The following GSK3B variants were observed in gnomAD, a reference collection of about 807,000 sequenced individuals.
GSK3B encodes glycogen synthase kinase-3 beta.
GSK3B carries 15 observed loss-of-function variants against 56.4 expected under a neutral mutation model. That is an observed-to-expected ratio of 0.27 (90% CI 0.18 to 0.41). GSK3B has a LOEUF of 0.41. Among genes scored for constraint, GSK3B ranks in the 10% least tolerant of loss-of-function variants. GSK3B has a pLI of 1.00. For synonymous variants in GSK3B, 181 were observed against 188.9 expected, an observed-to-expected ratio of 0.96 and a Z score of 0.34; for missense variants, 300 against 513.4, an observed-to-expected ratio of 0.58 and a Z score of 4.02.
rs577418673 is a variant in GSK3B, at chr3:119,883,748, A to G, written c.814-7240T>C. Among the ~76,000 whole-genome samples, 22 of 152,308 alleles carry G rather than the reference A, an allele frequency of 1.4e-4. 1 individual carries two copies. The South Asian group carries it at 4.3e-3, about 30-fold the overall frequency. On this transcript the variant is annotated intron_variant, in intron 7 of 10. Transcript: ENST00000264235. ...GTCATAACTAGAAACAGAGCTAGAAAGTAATTTAAATCTTATCAGTGGTAA... is the reference window on the plus strand; with the variant it reads ...GTCATAACTAGAAACAGAGCTAGAAGGTAATTTAAATCTTATCAGTGGTAA...
At chr3:120,030,998 A>G (rs1037838229) in intron 1 of GSK3B, among the ~76,000 whole-genome samples, 1 of 152,192 alleles carries the variant, frequency 6.6e-6, no homozygotes, top group Non-Finnish European at 1.5e-5. Flanking sequence ...TCAATACACT[A>G]TAACTGTTCC....
chr3:120,068,974 T>C (rs2058304323), intron 1 of GSK3B, among the ~76,000 whole-genome samples: 1 of 151,992 alleles, frequency 6.6e-6, no homozygotes, highest in Admixed American at 6.6e-5. Flanking sequence ...TCCATTCTGC[T>C]GAAATCCAAA....
chr3:120,017,852 C>T (rs957029954), intron 1 of GSK3B, among the ~76,000 whole-genome samples: 1 of 152,174 alleles, frequency 6.6e-6, no homozygotes, highest in African/African-American at 2.4e-5. Flanking sequence ...TTATAAGTGA[C>T]AAATTTCTAC....
intron 1 of GSK3B, among the ~76,000 whole-genome samples, chr3:120,086,055 T>C (rs1052529584): frequency 6.6e-5 from 10 of 152,170 alleles, no homozygotes; most frequent in Admixed American, 2.0e-4. Flanking sequence ...TAAATGTATC[T>C]AGAAAAGTTC....
chr3:120,074,410 G>A (rs2058352980), intron 1 of GSK3B, among the ~76,000 whole-genome samples: 1 of 149,908 alleles, frequency 6.7e-6, no homozygotes, highest in African/African-American at 2.5e-5. Context: ...GGAGTGCAGT[G>A]GCACGATCTT....
intron 3 of GSK3B, among the ~76,000 whole-genome samples, chr3:119,938,348 C>T (rs1156648529): frequency 2.6e-5 from 4 of 151,970 alleles, no homozygotes; most frequent in Admixed American, 2.6e-4. Flanking sequence ...AACCAATATC[C>T]CTTATAAATA....
chr3:119,959,892 A>G (rs748211284), intron 2 of GSK3B, among the ~76,000 whole-genome samples: 9 of 151,956 alleles, frequency 5.9e-5, no homozygotes, highest in Non-Finnish European at 1.2e-4. Context: ...TGTTGGCTCA[A>G]CCTTCAAAAC....
At chr3:119,998,399 T>C (rs1466896097) in intron 2 of GSK3B, among the ~76,000 whole-genome samples, 1 of 152,206 alleles carries the variant, frequency 6.6e-6, no homozygotes, top group Non-Finnish European at 1.5e-5. Context: ...TGGGGACAGA[T>C]ATTTCCTCCT....
rs564497950 is a variant in GSK3B, at chr3:119,824,345, A to G, written c.*2443T>C. On this transcript the variant is annotated 3_prime_UTR_variant, in exon 11 of 11. Transcript: ENST00000264235. Reference sequence around the variant, plus strand: ...CACATCTCAGCACACACACACACACACACACACGCACACATGCACACACAA... The same window carrying G: ...CACATCTCAGCACACACACACACACGCACACACGCACACATGCACACACAA... The G allele has an allele frequency of 2.7e-5, 6 of 223,946 alleles. No homozygotes were observed. Among genetic ancestry groups the G allele is most frequent in the African/African-American group, 1.1e-4 (5 of 44,758 alleles). 13.9% of individuals were successfully genotyped at this position (223,946 alleles called of 1,614,324 possible).
At chr3:119,874,830 T>C (rs1434909816) in intron 8 of GSK3B, among the ~76,000 whole-genome samples, 2 of 152,218 alleles carry the variant, frequency 1.3e-5, no homozygotes, top group East Asian at 3.9e-4. Context: ...AGAATTCTCT[T>C]TGTTGTTTTT....
chr3:120,028,452 T>G (rs1457488766), intron 1 of GSK3B, among the ~76,000 whole-genome samples: 1 of 152,098 alleles, frequency 6.6e-6, no homozygotes, highest in Non-Finnish European at 1.5e-5. Context: ...TACAAGAGAT[T>G]AAAAGGCCTA....
At position 119,822,685 on chromosome 3, in the gene GSK3B, C is replaced by T; in HGVS notation, c.*4103G>A. On this transcript the variant is annotated 3_prime_UTR_variant, in exon 11 of 11. Transcript: ENST00000264235. ...TTATTTTCAGTGGCTCAGGTTTCTA[C>T]CAGAAAAGACAGATTTTATTGTAAA... 4.4e-6 allele frequency: 1 copy of T among 228,672 alleles called. No individual in the cohort carries two copies. Among genetic ancestry groups the T allele is most frequent in the Non-Finnish European group, 8.7e-6 (1 of 115,344 alleles). 14.2% of individuals were successfully genotyped at this position (228,672 alleles called of 1,614,324 possible). A position where few individuals can be genotyped will look rare whatever the true frequency, so the allele number is the denominator to read the frequency against.
intron 10 of GSK3B, 59 bp from the exon 11 acceptor site, chr3:119,826,914 C>G (rs1004839283): frequency 1.1e-5 from 11 of 1,028,826 alleles, no homozygotes; most frequent in African/African-American, 9.5e-5. Flanking sequence ...CAAAAGAGAA[C>G]AAGTACACTG....
intron 1 of GSK3B, among the ~76,000 whole-genome samples, chr3:120,038,031 A>G (rs1029541878): frequency 2.0e-5 from 3 of 152,222 alleles, no homozygotes; most frequent in Admixed American, 2.0e-4. Flanking sequence ...TATATTAAAT[A>G]TTGTTCATTT....
At chr3:119,853,166 T>C (rs1010981142) in intron 9 of GSK3B, among the ~76,000 whole-genome samples, 3 of 152,234 alleles carry the variant, frequency 2.0e-5, no homozygotes, top group Non-Finnish European at 4.4e-5. Context: ...CCCGGCACCA[T>C]TTATCACATA....
At chr3:119,913,444 T>G (rs1339166126) in intron 5 of GSK3B, among the ~76,000 whole-genome samples, 2 of 152,122 alleles carry the variant, frequency 1.3e-5, no homozygotes, top group Non-Finnish European at 2.9e-5. Context: ...GCATGTTTTC[T>G]TATTCCAATT....
chr3:119,879,105 T>C (rs926552797), intron 7 of GSK3B, among the ~76,000 whole-genome samples: 2 of 152,214 alleles, frequency 1.3e-5, no homozygotes, highest in African/African-American at 4.8e-5. Flanking sequence ...GACACTCTGA[T>C]ATAGGCATAC....
chr3:119,920,229 C>T (rs2056825985), intron 4 of GSK3B, among the ~76,000 whole-genome samples: 1 of 152,068 alleles, frequency 6.6e-6, no homozygotes. Flanking sequence ...GGAACATCAT[C>T]ACACAGAGAG....
chr3:120,008,400 A>C (rs1158570950), intron 1 of GSK3B, among the ~76,000 whole-genome samples: 1 of 152,254 alleles, frequency 6.6e-6, no homozygotes, highest in East Asian at 1.9e-4. Context: ...TGCATACCCA[A>C]GACAATCCTG....
Sources: allele counts gnomAD v4.1 joint callset (sites outside exome capture counted in the v4.1 genomes callset), GRCh38; gene constraint gnomAD v4.1.1; transcripts MANE v1.5; gene names NCBI Gene and HGNC (gene_info 2026-07-23, HGNC 2026-07-21).